LSAMP: variants seen among roughly 807,000 people sequenced by gnomAD.
LSAMP encodes the protein limbic system-associated membrane protein.
LSAMP carries 7 observed loss-of-function variants against 38.6 expected under a neutral mutation model. That is an observed-to-expected ratio of 0.18 (90% CI 0.10 to 0.34). The LOEUF (loss-of-function observed/expected upper bound fraction) is 0.34. LSAMP is among the 10% of genes least tolerant of loss of function. The pLI is 1.00. For missense variants in LSAMP, 313 were observed against 420.0 expected (o/e 0.75, Z 2.23); for synonymous variants, 154 against 166.8 (o/e 0.92, Z 0.59).
intron 1 of LSAMP, among the ~76,000 whole-genome samples, chr3:116,256,800 G>A (rs2107654186): frequency 1.8e-5 from 1 of 55,566 alleles, no homozygotes; most frequent in South Asian, 7.4e-4. Flanking sequence ...CAAGTGAGGA[G>A]GAGAGAGGAT....
intron 2 of LSAMP, among the ~76,000 whole-genome samples, chr3:116,036,345 C>T (rs1941045208): frequency 6.6e-6 from 1 of 152,118 alleles, no homozygotes; most frequent in African/African-American, 2.4e-5. Flanking sequence ...GTCTACTCAT[C>T]CATTTCTTCT....
chr3:116,444,245 C>T (rs1339968915), intron 1 of LSAMP, among the ~76,000 whole-genome samples: 2 of 152,070 alleles, frequency 1.3e-5, no homozygotes, highest in African/African-American at 4.8e-5. Context: ...AGGAAAGGCT[C>T]AGTAACCAAC....
intron 2 of LSAMP, among the ~76,000 whole-genome samples, chr3:116,025,113 TGCTGAATTATTGCAGCATTGTA>T: frequency 6.6e-6 from 1 of 152,240 alleles, no homozygotes; most frequent in South Asian, 2.1e-4. Context: ...TATTGATTTA[TGCTGAATTATTGCAGCATTGTA>T]GTACTCTGTG....
intron 3 of LSAMP, among the ~76,000 whole-genome samples, chr3:115,993,619 C>T (rs1007534586): frequency 5.9e-5 from 9 of 151,942 alleles, no homozygotes; most frequent in Non-Finnish European, 1.0e-4. Context: ...AAGAAACAGA[C>T]TTTGCTTATT....
chr3:116,395,278 G>C (rs1166185172), intron 1 of LSAMP, among the ~76,000 whole-genome samples: 2 of 152,140 alleles, frequency 1.3e-5, no homozygotes, highest in East Asian at 3.8e-4. Flanking sequence ...GATCGGAAAT[G>C]GCATTTGTAG....
chr3:116,347,261 T>C (rs182754868), intron 1 of LSAMP, among the ~76,000 whole-genome samples: 1 of 152,340 alleles, frequency 6.6e-6, no homozygotes, highest in Admixed American at 6.5e-5. Flanking sequence ...ACCTTTTGCT[T>C]GTGCATACAG....
At chr3:116,408,925 C>T (rs188722703) in intron 1 of LSAMP, among the ~76,000 whole-genome samples, 5 of 152,134 alleles carry the variant, frequency 3.3e-5, no homozygotes, top group East Asian at 1.9e-4. Flanking sequence ...CCTACCCATG[C>T]GGACTGCAGT....
rs78790451 is a variant in LSAMP at position 116,352,012 on chromosome 3, C to T, written c.155+92865G>A. Among the ~76,000 whole-genome samples, 12 of 152,176 alleles carry T rather than the reference C, an allele frequency of 7.9e-5. No homozygotes were observed. The East Asian group carries it at 2.1e-3, about 27-fold the overall frequency. On this transcript the variant is annotated intron_variant, in intron 1 of 6. Coordinates refer to ENST00000490035, the MANE Select transcript of LSAMP (RefSeq NM_002338.5). ...TCAGAGGAAAGTTTAGTTAACCCTT[C>T]AAATATTGTGTCATGCTTCTTCATC... is the stretch of plus-strand genomic sequence containing the variant.
intron 1 of LSAMP, among the ~76,000 whole-genome samples, chr3:116,357,005 G>T (rs1288462963): frequency 3.3e-5 from 5 of 152,154 alleles, no homozygotes; most frequent in Admixed American, 2.0e-4. Context: ...GTGTTAGCCA[G>T]GATGGTCTCG....
At chr3:116,114,614 T>C (rs1461289702) in intron 1 of LSAMP, among the ~76,000 whole-genome samples, 1 of 152,192 alleles carries the variant, frequency 6.6e-6, no homozygotes, top group Non-Finnish European at 1.5e-5. Flanking sequence ...GCAGTAGTAC[T>C]ACTTTTTACA....
Position 116,202,167 on chromosome 3 carries a change from G to T in LSAMP, c.156-115611C>A, listed in dbSNP as rs2864077. Reference sequence around the variant, plus strand: ...TCTTTTTTTTTTTAGGCAGAGTCTCGCTCTGTTGCCCAGGCTGGAGTGTTG... The same window carrying T: ...TCTTTTTTTTTTTAGGCAGAGTCTCTCTCTGTTGCCCAGGCTGGAGTGTTG... On this transcript the variant is annotated intron_variant, in intron 1 of 6. Coordinates refer to ENST00000490035, the MANE Select transcript of LSAMP (RefSeq NM_002338.5). Among the ~76,000 whole-genome samples the T allele has an allele frequency of 1.4e-3, 207 of 147,650 alleles. 1 individual carries two copies. The highest frequency in any genetic ancestry group is 2.3e-3 in the Non-Finnish European group (156 of 67,358).
intron 3 of LSAMP, among the ~76,000 whole-genome samples, chr3:115,909,585 T>A (rs1937090753): frequency 6.6e-6 from 1 of 152,232 alleles, no homozygotes; most frequent in Admixed American, 6.5e-5. Flanking sequence ...ATTGGTTTAA[T>A]CTGTGGGTTT....
At chr3:116,062,371 T>G (rs1033993156) in intron 2 of LSAMP, among the ~76,000 whole-genome samples, 1 of 152,128 alleles carries the variant, frequency 6.6e-6, no homozygotes, top group Admixed American at 6.5e-5. Context: ...TAGCCGGGCG[T>G]GGTGGTGCAC....
At chr3:115,864,214 G>A (rs1054605269) in intron 3 of LSAMP, among the ~76,000 whole-genome samples, 2 of 152,036 alleles carry the variant, frequency 1.3e-5, no homozygotes, top group Admixed American at 1.3e-4. Context: ...GTAGCTGTAT[G>A]TGCACTCAAA....
chr3:116,085,055 T>G (rs146445007), intron 2 of LSAMP, among the ~76,000 whole-genome samples: 22 of 152,310 alleles, frequency 1.4e-4, no homozygotes, highest in African/African-American at 4.8e-4. Flanking sequence ...TTTCTAGTTA[T>G]GTTTACAAAT....
chr3:116,406,099 C>A (rs2107832459), intron 1 of LSAMP, among the ~76,000 whole-genome samples: 1 of 152,122 alleles, frequency 6.6e-6, no homozygotes, highest in East Asian at 1.9e-4. Context: ...TGGTAAAAAT[C>A]TGGACGTGTA....
chr3:116,180,870 C>T (rs574955356), intron 1 of LSAMP, among the ~76,000 whole-genome samples: 3 of 152,064 alleles, frequency 2.0e-5, no homozygotes, highest in South Asian at 4.1e-4. Flanking sequence ...CACTTTTTAC[C>T]ACAAAGATGG....
At chr3:116,245,051 G>C (rs6805045) in intron 1 of LSAMP, among the ~76,000 whole-genome samples, 105,844 of 151,952 alleles carry the variant, frequency 0.7, 38,582 homozygotes, top group South Asian at 0.84. Context: ...ATCCTCAGTA[G>C]CTCAGAATGT....
intron 1 of LSAMP, among the ~76,000 whole-genome samples, chr3:116,096,716 C>A (rs1430655512): frequency 6.6e-6 from 1 of 152,154 alleles, no homozygotes; most frequent in Non-Finnish European, 1.5e-5. Context: ...AAATAGAGGC[C>A]CATGCTGTGC....
Sources: allele counts gnomAD v4.1 joint callset (sites outside exome capture counted in the v4.1 genomes callset), GRCh38; gene constraint gnomAD v4.1.1; transcripts MANE v1.5; gene names NCBI Gene and HGNC (gene_info 2026-07-23, HGNC 2026-07-21).